INPP5A: variants seen among roughly 807,000 people sequenced by gnomAD.
INPP5A encodes the protein 43 kDa inositol polyphosphate 5-phophatase.
A neutral mutation model predicts 65.2 loss-of-function variants in INPP5A; 14 were observed. That is an observed-to-expected ratio of 0.21 (90% CI 0.14 to 0.34). The LOEUF is 0.34. Among genes scored for constraint, INPP5A ranks in the 10% least tolerant of loss-of-function variants. The pLI is 1.00. For synonymous variants in INPP5A, 207 were observed against 208.3 expected (o/e 0.99, Z 0.05); for missense variants, 431 against 545.6 (o/e 0.79, Z 2.09).
At chr10:132,688,658 T>C (rs1845190218) in intron 4 of INPP5A, among the ~76,000 whole-genome samples, 1 of 148,808 alleles carries the variant, frequency 6.7e-6, no homozygotes, top group Non-Finnish European at 1.5e-5. Flanking sequence ...TGTGTGCAAG[T>C]GAGTGTGAAC....
intron 9 of INPP5A, among the ~76,000 whole-genome samples, chr10:132,730,756 C>T (rs971368588): frequency 2.0e-5 from 3 of 152,208 alleles, no homozygotes; most frequent in African/African-American, 7.2e-5. Flanking sequence ...AAGTCCCAGC[C>T]GCGTTGGCGT....
intron 1 of INPP5A, among the ~76,000 whole-genome samples, chr10:132,604,170 A>G (rs1291020820): frequency 1.6e-3 from 122 of 77,382 alleles, no homozygotes; most frequent in Middle Eastern, 0.012. Flanking sequence ...CCTGCCCTGC[A>G]CCGTCAGGGT....
chr10:132,778,022 G>C (rs1170487543), intron 13 of INPP5A: 2 of 1,117,172 alleles, frequency 1.8e-6, no homozygotes, highest in Middle Eastern at 3.0e-4. Context: ...GGCAGCCAGC[G>C]TCATCCTGAG....
chr10:132,692,338 T>C (rs1845281682), intron 5 of INPP5A, among the ~76,000 whole-genome samples: 1 of 152,006 alleles, frequency 6.6e-6, no homozygotes, highest in Non-Finnish European at 1.5e-5. Context: ...GGAACCCCAG[T>C]AGGAGTAGAA....
chr10:132,588,615 C>G (rs567475230), intron 1 of INPP5A, among the ~76,000 whole-genome samples: 1 of 152,388 alleles, frequency 6.6e-6, no homozygotes, highest in African/African-American at 2.4e-5. Context: ...GCACAGCGCC[C>G]ACCCTGTGTC....
At chr10:132,775,102 A>G (rs116751064) in intron 12 of INPP5A, among the ~76,000 whole-genome samples, 26 of 752 alleles carry the variant, frequency 0.035, no homozygotes, top group East Asian at 0.062. Context: ...GAGGAGAGAC[A>G]GGCAGGGAGG....
At chr10:132,732,454 C>T (rs1468385762) in intron 9 of INPP5A, among the ~76,000 whole-genome samples, 3 of 152,196 alleles carry the variant, frequency 2.0e-5, no homozygotes, top group Non-Finnish European at 4.4e-5. Context: ...GTGTAGAGTT[C>T]TTGTAGGACT....
rs1845360604 is a variant in INPP5A at position 132,697,313 on chromosome 10, G to A, written c.371-503G>A. On this transcript the variant is annotated intron_variant, in intron 5 of 15. Transcript: ENST00000368594. The surrounding 1 kb of genome is among the most constrained non-coding windows in gnomAD (Gnocchi z 5.6). ...CTGGGCCTGGCCTATCCACTGGGGG[G>A]TCCAGGAAAGGTGCCAAGCAGCCAC... Among the ~76,000 whole-genome samples, 1 of 152,254 alleles carries A rather than the reference G, an allele frequency of 6.6e-6. No individual in the cohort carries two copies. Among genetic ancestry groups the A allele is most frequent in the Non-Finnish European group, 1.5e-5 (1 of 68,046 alleles).
chr10:132,645,389 C>T (rs767642082), intron 2 of INPP5A, among the ~76,000 whole-genome samples: 1 of 152,182 alleles, frequency 6.6e-6, no homozygotes, highest in Non-Finnish European at 1.5e-5. Context: ...CATACACAGG[C>T]ACATGTGTAC....
At chr10:132,732,833 T>C (rs1372028111) in intron 9 of INPP5A, among the ~76,000 whole-genome samples, 1 of 152,100 alleles carries the variant, frequency 6.6e-6, no homozygotes, top group African/African-American at 2.4e-5. Flanking sequence ...TGTCTTCTGT[T>C]TGCTCATCTG....
At chr10:132,745,696 C>T (rs964093705) in intron 9 of INPP5A, among the ~76,000 whole-genome samples, 43 of 141,754 alleles carry the variant, frequency 3.0e-4, no homozygotes, top group Admixed American at 2.8e-3. Context: ...ATGGTGGCCT[C>T]GGGTGTGGTG....
Position 132,546,715 on chromosome 10 carries a change from C to CT in INPP5A, c.75+8545dup, listed in dbSNP as rs755785866. On this transcript the variant is annotated intron_variant, in intron 1 of 15. Coordinates refer to ENST00000368594, the MANE Select transcript of INPP5A (RefSeq NM_005539.5). This position sits in a 1 kb window ranked among gnomAD's most constrained non-coding sequence, Gnocchi z 5.7. Reference sequence around the variant, plus strand: ...AGCCTGCACTGAACTGCCCCTCTTCCTGGGTGCACTGCATACCCCGGGCCC... The same window carrying CT: ...AGCCTGCACTGAACTGCCCCTCTTCCTTGGGTGCACTGCATACCCCGGGCCC... 2.0e-5 allele frequency among the ~76,000 whole-genome samples: 3 copies of CT among 152,174 alleles called. No homozygotes were observed. Among genetic ancestry groups the CT allele is most frequent in the Non-Finnish European group, 2.9e-5 (2 of 68,026 alleles).
At position 132,659,810 on chromosome 10, in the gene INPP5A, G is replaced by T. The variant is rs139627502; in HGVS notation, c.306+9305G>T. Among the ~76,000 whole-genome samples, 1 of 152,228 alleles carries T rather than the reference G, an allele frequency of 6.6e-6. No individual in the cohort carries two copies. Among genetic ancestry groups the T allele is most frequent in the Non-Finnish European group, 1.5e-5 (1 of 68,036 alleles). ...ATGGCTGCCTGCCCTGGGAGGTGGA[G>T]CATGGAGAAGGCCAGTGCCTCATCA... On this transcript the variant is annotated intron_variant, in intron 4 of 15. Transcript: ENST00000368594. This position sits in a 1 kb window ranked among gnomAD's most constrained non-coding sequence, Gnocchi z 5.5.
In INPP5A at chr10:132,637,143, C is replaced by G. The variant is rs980483490; in HGVS notation, c.118-8725C>G. On this transcript the variant is annotated intron_variant, in intron 2 of 15. Transcript: ENST00000368594. This position sits in a 1 kb window ranked among gnomAD's most constrained non-coding sequence, Gnocchi z 4.1. ...ATGTTGGCCAGGATGGTCTTGATCT[C>G]CTGACCTTGTGGTTGATCCGCCCGC... Among the ~76,000 whole-genome samples, 1 of 152,170 alleles carries G rather than the reference C, an allele frequency of 6.6e-6. No individual in the cohort carries two copies. Among genetic ancestry groups the G allele is most frequent in the Non-Finnish European group, 1.5e-5 (1 of 68,020 alleles).
chr10:132,776,940 C>T (rs141275509), intron 12 of INPP5A, among the ~76,000 whole-genome samples: 109 of 152,184 alleles, frequency 7.2e-4, no homozygotes, highest in African/African-American at 2.4e-3. Context: ...AGCAAGGCCG[C>T]GGAGGAGCCC....
At chr10:132,553,908 C>T (rs1366050144) in intron 1 of INPP5A, among the ~76,000 whole-genome samples, 1 of 144,632 alleles carries the variant, frequency 6.9e-6, no homozygotes, top group African/African-American at 2.6e-5. Flanking sequence ...TTGGTGAACG[C>T]CTTCTCAGAG....
intron 2 of INPP5A, among the ~76,000 whole-genome samples, chr10:132,615,316 G>C (rs1345044866): frequency 6.6e-6 from 1 of 152,246 alleles, no homozygotes; most frequent in East Asian, 1.9e-4. Context: ...ACCAGCTCAG[G>C]ATGCAACTGC....
Position 132,725,944 on chromosome 10 carries a change from A to G in INPP5A, c.648-877A>G, listed in dbSNP as rs187253076. On this transcript the variant is annotated intron_variant, in intron 8 of 15. Coordinates refer to ENST00000368594, the MANE Select transcript of INPP5A (RefSeq NM_005539.5). ...TTTTGGTGGCCAATGCCACGTTGCA[A>G]GGGTTCTCGTGTTGCTTTCACACCA... Among the ~76,000 whole-genome samples, 332 of 152,122 alleles carry G rather than the reference A, an allele frequency of 2.2e-3. 3 individuals are homozygous for G. The highest frequency in any genetic ancestry group is 6.6e-3 in the African/African-American group (273 of 41,486).
intron 12 of INPP5A, among the ~76,000 whole-genome samples, chr10:132,769,323 A>G (rs1185254307): frequency 6.6e-6 from 1 of 152,216 alleles, no homozygotes; most frequent in African/African-American, 2.4e-5. Flanking sequence ...GACAGCCACA[A>G]AAGTGACCTG....
Sources: gnomAD v4.1 joint callset for allele counts (sites outside exome capture counted in the v4.1 genomes callset) on GRCh38, gnomAD v4.1.1 for gene constraint, Gnocchi (gnomAD v3.1) non-coding constraint, MANE v1.5 for transcripts, NCBI Gene and HGNC (gene_info 2026-07-23, HGNC 2026-07-21) for gene names.